SPATA13: variants seen among roughly 807,000 people sequenced by gnomAD.
SPATA13 encodes spermatogenesis associated 13.
In SPATA13, 50 loss-of-function variants were observed where a neutral mutation model predicts 104.0. The ratio of observed to expected loss-of-function variants is 0.48; its 90% CI spans 0.38 to 0.61. The LOEUF (loss-of-function observed/expected upper bound fraction) is 0.61. Ranked by LOEUF, SPATA13 falls within the 20% of genes least tolerant of loss-of-function variation. The probability of loss-of-function intolerance (pLI) is 0.00; values close to 1 mark genes in which losing one functional copy is unlikely to be tolerated. For missense variants in SPATA13, 1,524 were observed against 1,690.6 expected, an observed-to-expected ratio of 0.90 and a Z score of 1.73; for synonymous variants, 606 against 667.5, an observed-to-expected ratio of 0.91 and a Z score of 1.42.
At chr13:24,249,982 C>A in intron 3 of SPATA13, 140 bp downstream of exon 3, 1 of 1,148,012 alleles carries the variant, frequency 8.7e-7, no homozygotes, top group African/African-American at 1.6e-5. Flanking sequence ...CCTTTTCTTC[C>A]TGACTGTGTG....
intron 4 of SPATA13, among the ~76,000 whole-genome samples, chr13:24,275,955 T>G (rs371981698): frequency 6.6e-6 from 1 of 152,154 alleles, no homozygotes. Context: ...CCAAAAAATG[T>G]TTTTTCCACA....
At chr13:24,222,015 A>G (rs1379538907) in intron 1 of SPATA13, among the ~76,000 whole-genome samples, 3 of 151,958 alleles carry the variant, frequency 2.0e-5, no homozygotes, top group Non-Finnish European at 4.4e-5. Flanking sequence ...GTTTCATGAT[A>G]TTGGCCAGGC....
At chr13:24,065,609 CAGAG>C (rs113565842) in intron 3 of SPATA13, among the ~76,000 whole-genome samples, 136,874 of 152,068 alleles carry the variant, frequency 0.9, 62,200 homozygotes, top group South Asian at 0.99. Flanking sequence ...CCTCACAAGA[CAGAG>C]AGAGACGTCC....
At chr13:24,159,667 A>C (rs1341175156), upstream of SPATA13, among the ~76,000 whole-genome samples, 1 of 152,250 alleles carries the variant, frequency 6.6e-6, no homozygotes, top group East Asian at 1.9e-4. Flanking sequence ...ATGCATAATG[A>C]CATGAAGCCA....
intron 3 of SPATA13, among the ~76,000 whole-genome samples, chr13:24,021,412 G>A (rs1876966704): frequency 1.3e-5 from 2 of 152,228 alleles, no homozygotes; most frequent in African/African-American, 4.8e-5. Context: ...AGGATCACTT[G>A]AGCCCAGGAG....
intron 1 of SPATA13, among the ~76,000 whole-genome samples, chr13:24,194,407 T>C (rs1869934984): frequency 6.6e-6 from 1 of 152,182 alleles, no homozygotes; most frequent in Non-Finnish European, 1.5e-5. Flanking sequence ...CCAGGCTCTT[T>C]GCAGGCTGAG....
chr13:24,047,271 AT>A (rs1478907676), intron 3 of SPATA13, among the ~76,000 whole-genome samples: 1 of 152,204 alleles, frequency 6.6e-6, no homozygotes, highest in African/African-American at 2.4e-5. Context: ...AAAGTCACCA[AT>A]CCTGTGACCT....
At chr13:24,052,828 G>GCT (rs1878391834) in intron 3 of SPATA13, among the ~76,000 whole-genome samples, 3 of 1,068 alleles carry the variant, frequency 2.8e-3, no homozygotes, top group South Asian at 0.038. Context: ...CCTGCCGCCA[G>GCT]GGGATCCTCC....
intron 2 of SPATA13, among the ~76,000 whole-genome samples, chr13:24,240,198 T>G (rs1872765076): frequency 6.6e-6 from 1 of 151,656 alleles, no homozygotes; most frequent in Admixed American, 6.6e-5. Flanking sequence ...AGGTTGAGGC[T>G]GCAATGAGCC....
intron 3 of SPATA13, chr13:24,123,509 A>T: frequency 6.2e-7 from 1 of 1,610,748 alleles, no homozygotes; most frequent in Non-Finnish European, 8.5e-7. Context: ...GCAGGGCTCC[A>T]TCTTTTTTTC....
intron 3 of SPATA13, among the ~76,000 whole-genome samples, chr13:24,117,651 A>C (rs1880889641): frequency 6.6e-6 from 1 of 151,560 alleles, no homozygotes; most frequent in Non-Finnish European, 1.5e-5. Flanking sequence ...AATAGTCTTT[A>C]AGTGCCTTTA....
At chr13:23,985,979 G>A (rs1057291620) in intron 2 of SPATA13, among the ~76,000 whole-genome samples, 9 of 152,174 alleles carry the variant, frequency 5.9e-5, no homozygotes, top group South Asian at 2.1e-4. Context: ...CCTCACCCGC[G>A]GACCTCAGCT....
Position 24,077,281 on chromosome 13 carries a change from A to G in SPATA13, c.-112+59580A>G, listed in dbSNP as rs1395441543. Among the ~76,000 whole-genome samples the G allele has an allele frequency of 2.6e-5, 4 of 151,196 alleles. No individual in the cohort carries two copies. The East Asian group carries it at 7.7e-4, about 29-fold the overall frequency. On this transcript the variant is annotated intron_variant, in intron 3 of 14. Coordinates refer to the SPATA13 transcript ENST00000424834. ...CCATGTCAAAAAAAAAAAAAAAAAA[A>G]AAAAAGAGCCCAGTCCACAAGAGCT...
chr13:24,242,811 G>A (rs1872923360), intron 2 of SPATA13, among the ~76,000 whole-genome samples: 1 of 152,084 alleles, frequency 6.6e-6, no homozygotes, highest in African/African-American at 2.4e-5. Flanking sequence ...TCAAAATATG[G>A]TCATTCATCT....
intron 4 of SPATA13, among the ~76,000 whole-genome samples, chr13:24,257,196 G>A (rs758218799): frequency 1.3e-5 from 2 of 151,918 alleles, no homozygotes; most frequent in African/African-American, 2.4e-5. Flanking sequence ...CTCTTTCTAC[G>A]TATCTTGTCC....
chr13:24,190,106 ATAT>A lies in SPATA13; in HGVS notation c.-112+29181_-112+29183del, dbSNP rs370517112. On this transcript the variant is annotated intron_variant, in intron 1 of 12. Coordinates refer to ENST00000382108, the MANE Select transcript of SPATA13 (RefSeq NM_001166271.3). Reference sequence around the variant, plus strand: ...TATAACATATAATGATATACAATATATATTATTATATAACATAATAATATACAA... The same window carrying A: ...TATAACATATAATGATATACAATATATATTATATAACATAATAATATACAA... Among the ~76,000 whole-genome samples the A allele has an allele frequency of 5.2e-4, 8 of 15,394 alleles. 3 individuals carry two copies. Among genetic ancestry groups the A allele is most frequent in the African/African-American group, 9.6e-4 (8 of 8,318 alleles). The allele number at this position is 15,394 out of a possible 152,430, so 10.1% of individuals were successfully genotyped here.
intron 2 of SPATA13, among the ~76,000 whole-genome samples, chr13:24,241,751 CAGAA>C (rs1190718857): frequency 2.6e-5 from 4 of 152,222 alleles, no homozygotes; most frequent in Non-Finnish European, 5.9e-5. Context: ...CAGCTTTAGA[CAGAA>C]AGATTATTCC....
chr13:24,185,723 A>AT (rs1451168812), intron 1 of SPATA13, among the ~76,000 whole-genome samples: 1,174 of 90,648 alleles, frequency 0.013, 15 homozygotes, highest in African/African-American at 0.04. Flanking sequence ...AAATAGATGC[A>AT]GTTTTTTTTT....
intron 1 of SPATA13, among the ~76,000 whole-genome samples, chr13:24,179,120 A>G (rs1402017356): frequency 6.6e-6 from 1 of 152,102 alleles, no homozygotes; most frequent in Non-Finnish European, 1.5e-5. Flanking sequence ...CTTTCTTTTC[A>G]TTGCTGAATG....
Sources: gnomAD v4.1 joint callset for allele counts (sites outside exome capture counted in the v4.1 genomes callset) on GRCh38, gnomAD v4.1.1 for gene constraint, MANE v1.5 for transcripts, NCBI Gene and HGNC (gene_info 2026-07-23, HGNC 2026-07-21) for gene names.